Variants in WBP1L observed in about 807,000 individuals in gnomAD.
WBP1L encodes the protein WW domain binding protein 1-like.
In WBP1L, 17 loss-of-function variants were observed where a neutral mutation model predicts 33.7. The ratio of observed to expected loss-of-function variants is 0.50; its 90% confidence interval spans 0.34 to 0.76. WBP1L has a LOEUF of 0.76. Among genes scored for constraint, WBP1L ranks in the 30% least tolerant of loss-of-function variants. The pLI is 0.01. For missense variants in WBP1L, 389 were observed against 469.4 expected (o/e 0.83, Z 1.58); for synonymous variants, 173 against 190.8 (o/e 0.91, Z 0.77).
intron 1 of WBP1L, among the ~76,000 whole-genome samples, chr10:102,762,815 T>A (rs928645084): frequency 1.1e-4 from 16 of 152,180 alleles, no homozygotes; most frequent in African/African-American, 3.6e-4. Flanking sequence ...TTGGTCCCTA[T>A]CCTGTGTTTG....
At chr10:102,766,233 G>A (rs1843106083) in intron 1 of WBP1L, among the ~76,000 whole-genome samples, 1 of 151,892 alleles carries the variant, frequency 6.6e-6, no homozygotes, top group African/African-American at 2.4e-5. Context: ...CCTCAGGTCG[G>A]GAGTTTGAGA....
intron 1 of WBP1L, among the ~76,000 whole-genome samples, chr10:102,757,478 C>T (rs895523923): frequency 6.6e-6 from 1 of 151,754 alleles, no homozygotes; most frequent in East Asian, 1.9e-4. Flanking sequence ...CTCTCATACA[C>T]AGTACTGTGC....
intron 1 of WBP1L, among the ~76,000 whole-genome samples, chr10:102,749,344 C>A (rs1036178670): frequency 6.6e-6 from 1 of 152,150 alleles, no homozygotes; most frequent in African/African-American, 2.4e-5. Flanking sequence ...AGTCGTAGCT[C>A]ACTGCAGCTT....
intron 1 of WBP1L, among the ~76,000 whole-genome samples, chr10:102,779,779 G>T (rs907586922): frequency 3.9e-5 from 6 of 152,234 alleles, no homozygotes; most frequent in Non-Finnish European, 7.3e-5. Flanking sequence ...ACAGAGGAAC[G>T]CCCAGGGACT....
chr10:102,758,267 G>GT (rs941210372), intron 1 of WBP1L, among the ~76,000 whole-genome samples: 1 of 151,946 alleles, frequency 6.6e-6, no homozygotes, highest in African/African-American at 2.4e-5. Context: ...TAATTAAGTG[G>GT]TTTTTAATAT....
intron 1 of WBP1L, among the ~76,000 whole-genome samples, chr10:102,761,978 G>A (rs1398867823): frequency 6.6e-6 from 1 of 152,124 alleles, no homozygotes; most frequent in African/African-American, 2.4e-5. Flanking sequence ...CTCTCCAGTA[G>A]CTGGGACTGC....
Position 102,809,879 on chromosome 10 carries a change from T to C in WBP1L, c.194-14T>C, listed in dbSNP as rs1366531852. ...CACTGTGTGCCTCTCTGTCTTGCCT[T>C]GCCCACCCCCCAGGGTTCTGGCTGG... On this transcript the variant is annotated splice_polypyrimidine_tract_variant and intron_variant, in intron 2 of 3. Coordinates refer to ENST00000448841, the MANE Select transcript of WBP1L (RefSeq NM_001083913.2). The C allele has an allele frequency of 3.7e-6, 6 of 1,604,402 alleles. No individual in the cohort carries two copies. The highest frequency in any genetic ancestry group is 5.1e-6 in the Non-Finnish European group (6 of 1,175,148).
chr10:102,749,440 A>G (rs958918248), intron 1 of WBP1L, among the ~76,000 whole-genome samples: 1 of 150,630 alleles, frequency 6.6e-6, no homozygotes, highest in Non-Finnish European at 1.5e-5. Context: ...CTGGCCCTAT[A>G]TTTAATTTTT....
chr10:102,747,218 C>A (rs921241695), intron 1 of WBP1L, among the ~76,000 whole-genome samples: 4 of 151,970 alleles, frequency 2.6e-5, no homozygotes, highest in Admixed American at 2.0e-4. Flanking sequence ...AAAAATTAGC[C>A]AGGCATGGTG....
intron 2 of WBP1L, among the ~76,000 whole-genome samples, chr10:102,799,519 A>G (rs1306061007): frequency 6.6e-6 from 1 of 152,152 alleles, no homozygotes; most frequent in Non-Finnish European, 1.5e-5. Context: ...GAGACAGTGT[A>G]GGATGCTGGA....
intron 1 of WBP1L, among the ~76,000 whole-genome samples, chr10:102,795,536 C>CA: frequency 6.6e-6 from 1 of 152,324 alleles, no homozygotes; most frequent in Non-Finnish European, 1.5e-5. Flanking sequence ...TGACTGACAG[C>CA]AGTAGGTCAT....
rs576104794 is a variant in WBP1L at position 102,767,476 on chromosome 10, G to A, written c.90+23333G>A. On this transcript the variant is annotated intron_variant, in intron 1 of 3. Transcript: ENST00000448841. ...TTTTGAGGCTGCAGTGTATTATGAT[G>A]GCCCCTGTAAGTAGCCACTGCACCC... 9.3e-4 allele frequency among the ~76,000 whole-genome samples: 141 copies of A among 152,150 alleles called. 1 individual carries two copies. The highest frequency in any genetic ancestry group is 3.2e-3 in the African/African-American group (133 of 41,502).
At chr10:102,802,753 C>G (rs1304944433) in intron 2 of WBP1L, among the ~76,000 whole-genome samples, 1 of 152,176 alleles carries the variant, frequency 6.6e-6, no homozygotes, top group Admixed American at 6.5e-5. Flanking sequence ...GCCTCAGCCT[C>G]CCAAAGTGCT....
chr10:102,747,415 G>C lies in WBP1L; in HGVS notation c.90+3272G>C, dbSNP rs183256320. On this transcript the variant is annotated intron_variant, in intron 1 of 3. Transcript: ENST00000448841. The stretch of plus-strand genomic sequence containing the variant: ...AACAGTAGATGCTCCAAATAGTAAG[G>C]CTCCGACAGCCTTGGCGTTTGTTTC... 5.7e-4 allele frequency among the ~76,000 whole-genome samples: 86 copies of C among 151,906 alleles called. 3 individuals are homozygous for C. The East Asian group carries it at 0.015, about 27-fold the overall frequency.
chr10:102,759,732 A>G (rs949331166), intron 1 of WBP1L, among the ~76,000 whole-genome samples: 1 of 152,146 alleles, frequency 6.6e-6, no homozygotes, highest in Non-Finnish European at 1.5e-5. Flanking sequence ...AGGAAAGATC[A>G]TAGCTCACTA....
intron 2 of WBP1L, among the ~76,000 whole-genome samples, chr10:102,802,206 A>G (rs1447832489): frequency 7.1e-6 from 1 of 139,938 alleles, no homozygotes; most frequent in Non-Finnish European, 1.5e-5. Context: ...TAGTGGTATG[A>G]TCTTTGGTCA....
chr10:102,791,555 T>C (rs1429384714), intron 1 of WBP1L, among the ~76,000 whole-genome samples: 1 of 152,140 alleles, frequency 6.6e-6, no homozygotes, highest in Non-Finnish European at 1.5e-5. Flanking sequence ...TCCCAGCACT[T>C]TGGGAGGCCG....
chr10:102,804,131 G>C (rs1395870503), intron 2 of WBP1L: 2 of 152,096 alleles, frequency 1.3e-5, no homozygotes, highest in Non-Finnish European at 2.9e-5. Flanking sequence ...ACTCACACCT[G>C]TAATCCCAGC....
At chr10:102,754,772 A>G (rs907994975) in intron 1 of WBP1L, among the ~76,000 whole-genome samples, 12 of 146,696 alleles carry the variant, frequency 8.2e-5, no homozygotes, top group African/African-American at 3.0e-4. Context: ...TGGCGCAATC[A>G]TAGCTCACTG....
Sources: allele counts gnomAD v4.1 joint callset (sites outside exome capture counted in the v4.1 genomes callset), GRCh38; gene constraint gnomAD v4.1.1; transcripts MANE v1.5; gene names NCBI Gene and HGNC (gene_info 2026-07-23, HGNC 2026-07-21).